Variants in SNTG2 observed in about 807,000 individuals in gnomAD.
The protein encoded by SNTG2 is syntrophin gamma 2, also known as gamma-2-syntrophin.
In SNTG2, 74 loss-of-function variants were observed where a neutral mutation model predicts 70.9. The ratio of observed to expected loss-of-function variants is 1.04; its 90% CI spans 0.86 to 1.27. SNTG2 has a LOEUF of 1.27. SNTG2 is among the 50% of genes most tolerant of loss of function. The pLI is 0.00. For missense variants in SNTG2, 717 were observed against 690.7 expected (o/e 1.04, Z -0.43); for synonymous variants, 278 against 273.8 (o/e 1.02, Z -0.15).
intron 13 of SNTG2, among the ~76,000 whole-genome samples, chr2:1,265,925 T>G (rs1453606142): frequency 1.3e-5 from 2 of 152,140 alleles, no homozygotes; most frequent in African/African-American, 4.8e-5. Context: ...GGGGAGAGAC[T>G]GGTGCAGCAA....
chr2:1,036,714 T>C (rs1394592335), intron 1 of SNTG2, among the ~76,000 whole-genome samples: 1 of 137,038 alleles, frequency 7.3e-6, no homozygotes, highest in Non-Finnish European at 1.7e-5. Context: ...TCTGTGATTT[T>C]TTCCAGCTGA....
At chr2:1,196,011 A>T (rs1672887607) in intron 8 of SNTG2, among the ~76,000 whole-genome samples, 1 of 152,140 alleles carries the variant, frequency 6.6e-6, no homozygotes, top group South Asian at 2.1e-4. Context: ...TTGAGTTTGG[A>T]ATCTTTTTTT....
chr2:1,031,530 T>TATATATATATA (rs1558325836), intron 1 of SNTG2, among the ~76,000 whole-genome samples: 3 of 37,096 alleles, frequency 8.1e-5, no homozygotes, highest in Admixed American at 3.6e-4. Flanking sequence ...ATATATATAT[T>TATATATATATA]TTTTTTTTTT....
rs190179267 is a variant in SNTG2 at position 1,349,207 on chromosome 2, G to T, written c.1489-18136G>T. On this transcript the variant is annotated intron_variant, in intron 16 of 16. Transcript: ENST00000308624. ...TGTGCTCTGAATCGTTTCCTGGTTG[G>T]GGGGGTCACTGGTCCAAGTGGCATC... 2.1e-3 allele frequency among the ~76,000 whole-genome samples: 323 copies of T among 152,270 alleles called. 3 individuals carry two copies. Among genetic ancestry groups the T allele is most frequent in the Non-Finnish European group, 6.6e-4 (45 of 68,032 alleles).
chr2:1,079,332 A>G (rs1298513278), intron 1 of SNTG2, among the ~76,000 whole-genome samples: 3 of 152,254 alleles, frequency 2.0e-5, no homozygotes, highest in Non-Finnish European at 4.4e-5. Context: ...ATTACGGCAA[A>G]TAATTCTCTC....
chr2:1,258,119 G>A (rs1306145628), intron 12 of SNTG2, among the ~76,000 whole-genome samples: 1 of 152,204 alleles, frequency 6.6e-6, no homozygotes, highest in Non-Finnish European at 1.5e-5. Context: ...GTGGGAACGG[G>A]AGGAGTGGGA....
At chr2:1,300,619 T>A (rs1451972866) in intron 14 of SNTG2, among the ~76,000 whole-genome samples, 5 of 152,204 alleles carry the variant, frequency 3.3e-5, no homozygotes, top group African/African-American at 4.8e-5. Context: ...CCCATCCTGA[T>A]GTTGCTTCCG....
At chr2:1,098,059 C>A in intron 2 of SNTG2, 137 bp from the exon 3 acceptor site, 1 of 865,410 alleles carries the variant, frequency 1.2e-6, no homozygotes, top group Non-Finnish European at 1.9e-6. Flanking sequence ...AGTGTCATTA[C>A]TGTCATATTT....
At chr2:1,075,505 A>G (rs4614964) in intron 1 of SNTG2, among the ~76,000 whole-genome samples, 124,522 of 152,216 alleles carry the variant, frequency 0.82, 50,990 homozygotes, top group Admixed American at 0.89. Flanking sequence ...TTGTTCACTG[A>G]AAGAAAATGC....
chr2:1,104,772 T>G (rs1293554614), intron 4 of SNTG2, among the ~76,000 whole-genome samples: 1 of 152,252 alleles, frequency 6.6e-6, no homozygotes, highest in Non-Finnish European at 1.5e-5. Flanking sequence ...CTCTTCTCAC[T>G]GAACGAGAAA....
intron 1 of SNTG2, among the ~76,000 whole-genome samples, chr2:1,034,639 A>T (rs1425704011): frequency 6.6e-6 from 1 of 152,148 alleles, no homozygotes; most frequent in African/African-American, 2.4e-5. Flanking sequence ...TGAGTTTTTA[A>T]TAGTAGCCAT....
chr2:1,202,723 A>G (rs28711781), intron 8 of SNTG2, among the ~76,000 whole-genome samples: 49,290 of 152,044 alleles, frequency 0.32, 8,533 homozygotes, highest in East Asian at 0.65. Flanking sequence ...GAATTAGAAG[A>G]ATGGAGAGCA....
At chr2:1,203,921 C>G (rs1268689981) in intron 8 of SNTG2, among the ~76,000 whole-genome samples, 1 of 152,018 alleles carries the variant, frequency 6.6e-6, no homozygotes, top group Non-Finnish European at 1.5e-5. Flanking sequence ...TATCCTCAAG[C>G]AACAATCAGA....
intron 2 of SNTG2, among the ~76,000 whole-genome samples, chr2:1,090,706 T>C (rs913962025): frequency 7.2e-5 from 11 of 152,128 alleles, no homozygotes; most frequent in African/African-American, 2.7e-4. Context: ...TGTCTGCATG[T>C]ACAGGGCCGG....
At chr2:1,133,642 A>G (rs1668166758) in intron 4 of SNTG2, among the ~76,000 whole-genome samples, 1 of 152,210 alleles carries the variant, frequency 6.6e-6, no homozygotes, top group Admixed American at 6.5e-5. Flanking sequence ...CACTAATTAA[A>G]ATTTCGAATT....
At chr2:1,110,747 A>G (rs902350018) in intron 4 of SNTG2, among the ~76,000 whole-genome samples, 1 of 152,196 alleles carries the variant, frequency 6.6e-6, no homozygotes, top group Non-Finnish European at 1.5e-5. Flanking sequence ...TCTAGGCTCT[A>G]AAAAATGGCT....
chr2:1,357,415 A>G (rs916256543), intron 16 of SNTG2, among the ~76,000 whole-genome samples: 2 of 152,082 alleles, frequency 1.3e-5, no homozygotes, highest in Admixed American at 1.3e-4. Context: ...TTGTACCCCT[A>G]TGTCCCAGGG....
At chr2:1,048,019 A>G (rs1002211992) in intron 1 of SNTG2, among the ~76,000 whole-genome samples, 3 of 152,150 alleles carry the variant, frequency 2.0e-5, no homozygotes, top group Admixed American at 6.5e-5. Flanking sequence ...TTATTTATCC[A>G]TATATTTAGA....
chr2:1,186,119 G>T (rs1015051096), intron 8 of SNTG2, among the ~76,000 whole-genome samples: 2 of 151,808 alleles, frequency 1.3e-5, no homozygotes, highest in Non-Finnish European at 2.9e-5. Flanking sequence ...GTTCAATGTT[G>T]CACAGATCCC....
Sources: allele counts gnomAD v4.1 joint callset (sites outside exome capture counted in the v4.1 genomes callset), GRCh38; gene constraint gnomAD v4.1.1; transcripts MANE v1.5; gene names NCBI Gene and HGNC (gene_info 2026-07-23, HGNC 2026-07-21).